DTNA: variants seen among roughly 807,000 people sequenced by gnomAD.
DTNA encodes the protein dystrobrevin alpha.
In DTNA, 43 loss-of-function variants were observed where a neutral mutation model predicts 100.7. That is an observed-to-expected ratio of 0.43 (90% CI 0.33 to 0.55). The LOEUF is 0.55. Ranked by LOEUF, DTNA falls within the 20% of genes least tolerant of loss-of-function variation. The pLI is 0.04. For missense variants in DTNA, 798 were observed against 953.9 expected (o/e 0.84, Z 2.15); for synonymous variants, 349 against 347.9 (o/e 1.00, Z -0.04).
chr18:34,760,633 C>A (rs544337734), intron 2 of DTNA, among the ~76,000 whole-genome samples: 5 of 152,202 alleles, frequency 3.3e-5, no homozygotes, highest in African/African-American at 1.2e-4. Flanking sequence ...CCTGCCAAGG[C>A]GGCTGCCTTC....
intron 1 of DTNA, among the ~76,000 whole-genome samples, chr18:34,644,697 T>C (rs2059644934): frequency 6.6e-6 from 1 of 152,124 alleles, no homozygotes; most frequent in Non-Finnish European, 1.5e-5. Context: ...AAGAAGAACA[T>C]ATTTTTTAGT....
At chr18:34,847,590 C>T (rs1255865922) in intron 13 of DTNA, among the ~76,000 whole-genome samples, 1 of 152,182 alleles carries the variant, frequency 6.6e-6, no homozygotes, top group South Asian at 2.1e-4. Context: ...AAGGCTCTAC[C>T]AGTGGGGATC....
At chr18:34,607,753 C>T (rs145956991) in intron 1 of DTNA, among the ~76,000 whole-genome samples, 2 of 152,168 alleles carry the variant, frequency 1.3e-5, no homozygotes, top group African/African-American at 4.8e-5. Context: ...CACAAACACT[C>T]AAAGTTCTGG....
chr18:34,814,723 A>T (rs1407616097), intron 6 of DTNA, among the ~76,000 whole-genome samples: 1 of 151,870 alleles, frequency 6.6e-6, no homozygotes, highest in Non-Finnish European at 1.5e-5. Flanking sequence ...AAAAGGACCT[A>T]TGTGTTCAAG....
In DTNA at chr18:34,794,099, G is replaced by C; in HGVS notation, c.211G>C (p.Asp71His). ...GCGGGAAAATGCTCTGAACAACCTG[G>C]ACCCAAACACTGAACTCAACGTGTC... Reference protein sequence around the residue: ...ALRENALNNLDPNTELNVSRL... With the variant: ...ALRENALNNLHPNTELNVSRL... The change falls in exon 4 of 23, where the codon GAC becomes CAC. Residue 71 changes from aspartate (D) to histidine (H), a missense_variant. Transcript: ENST00000444659. The C allele has an allele frequency of 6.2e-7, 1 of 1,614,072 alleles. No individual in the cohort carries two copies. The highest frequency in any genetic ancestry group is 1.1e-5 in the South Asian group (1 of 91,080).
At chr18:34,714,667 T>A (rs1224475501) in intron 1 of DTNA, among the ~76,000 whole-genome samples, 1 of 151,784 alleles carries the variant, frequency 6.6e-6, no homozygotes, top group Non-Finnish European at 1.5e-5. Context: ...ATTGTGGAAG[T>A]CAGTGTGGCG....
chr18:34,520,640 G>A (rs2042065516), intron 1 of DTNA, among the ~76,000 whole-genome samples: 1 of 151,894 alleles, frequency 6.6e-6, no homozygotes, highest in African/African-American at 2.4e-5. Context: ...GGCAACAAGA[G>A]CAAAAACCCC....
At chr18:34,565,976 C>A (rs965856053) in intron 1 of DTNA, among the ~76,000 whole-genome samples, 2 of 152,132 alleles carry the variant, frequency 1.3e-5, no homozygotes, top group African/African-American at 4.8e-5. Flanking sequence ...TTCCCATTGA[C>A]ACCAAAATGC....
chr18:34,871,897 G>T, intron 17 of DTNA, among the ~76,000 whole-genome samples: 1 of 152,230 alleles, frequency 6.6e-6, no homozygotes, highest in East Asian at 1.9e-4. Context: ...GGAGTTGCCA[G>T]TTGTGGGAAA....
intron 1 of DTNA, among the ~76,000 whole-genome samples, chr18:34,647,063 A>G (rs1403684934): frequency 1.4e-5 from 2 of 142,478 alleles, no homozygotes; most frequent in African/African-American, 5.2e-5. Flanking sequence ...GAAGTGAGAT[A>G]GACCCATGTT....
chr18:34,517,504 A>G (rs529772020), intron 1 of DTNA, among the ~76,000 whole-genome samples: 1 of 114,554 alleles, frequency 8.7e-6, no homozygotes, highest in Admixed American at 9.4e-5. Context: ...GGTACATGCA[A>G]TGTTATCTCA....
At chr18:34,741,652 A>G (rs1337035289) in intron 1 of DTNA, among the ~76,000 whole-genome samples, 2 of 152,206 alleles carry the variant, frequency 1.3e-5, no homozygotes, top group African/African-American at 4.8e-5. Flanking sequence ...GATATCTTCA[A>G]GAAGTACTGA....
At chr18:34,614,489 C>G (rs138312335) in intron 1 of DTNA, among the ~76,000 whole-genome samples, 2 of 152,254 alleles carry the variant, frequency 1.3e-5, no homozygotes, top group East Asian at 3.9e-4. Flanking sequence ...GGAAAGGATT[C>G]TCCATCCTAG....
At chr18:34,860,157 C>T (rs1261821937) in intron 16 of DTNA, among the ~76,000 whole-genome samples, 1 of 151,290 alleles carries the variant, frequency 6.6e-6, no homozygotes, top group Non-Finnish European at 1.5e-5. Context: ...AAGCAATTCT[C>T]TGCCTCAGCC....
chr18:34,695,324 C>T (rs1200212362), intron 1 of DTNA, among the ~76,000 whole-genome samples: 1 of 152,144 alleles, frequency 6.6e-6, no homozygotes, highest in African/African-American at 2.4e-5. Context: ...ATTAATCCAC[C>T]TCCTGAATCC....
intron 1 of DTNA, among the ~76,000 whole-genome samples, chr18:34,561,314 T>C (rs1468952416): frequency 6.6e-6 from 1 of 152,198 alleles, no homozygotes; most frequent in African/African-American, 2.4e-5. Flanking sequence ...AATACTATCA[T>C]TGGGAGCCTT....
chr18:34,628,932 G>A (rs1445105810), intron 1 of DTNA, among the ~76,000 whole-genome samples: 1 of 151,988 alleles, frequency 6.6e-6, no homozygotes, highest in Non-Finnish European at 1.5e-5. Flanking sequence ...AGAAAATGGG[G>A]CCAACTTCAC....
chr18:34,590,083 T>A (rs564790201), intron 1 of DTNA, among the ~76,000 whole-genome samples: 1 of 152,204 alleles, frequency 6.6e-6, no homozygotes, highest in African/African-American at 2.4e-5. Context: ...CAGATACCTT[T>A]AGGAGTTGAT....
intron 1 of DTNA, among the ~76,000 whole-genome samples, chr18:34,617,850 G>A (rs1423415808): frequency 1.3e-5 from 2 of 152,162 alleles, no homozygotes; most frequent in Non-Finnish European, 2.9e-5. Flanking sequence ...GCACTGGGAA[G>A]CCAGAAACTT....
Sources: allele counts gnomAD v4.1 joint callset (sites outside exome capture counted in the v4.1 genomes callset), GRCh38; gene constraint gnomAD v4.1.1; transcripts MANE v1.5; gene names NCBI Gene and HGNC (gene_info 2026-07-23, HGNC 2026-07-21).